The following ZFP91 variants were observed in gnomAD, a reference collection of about 807,000 sequenced individuals.
ZFP91 encodes the protein ZFP91 zinc finger protein, atypical E3 ubiquitin ligase.
ZFP91 carries 7 observed loss-of-function variants against 63.5 expected under a neutral mutation model. The ratio of observed to expected loss-of-function variants is 0.11; its 90% confidence interval spans 0.06 to 0.21. The LOEUF is 0.21. Among genes scored for constraint, ZFP91 ranks in the 10% least tolerant of loss-of-function variants. The pLI is 1.00. For missense variants in ZFP91, 628 were observed against 736.6 expected (o/e 0.85, Z 1.71); for synonymous variants, 330 against 272.1 (o/e 1.21, Z -2.10).
intron 1 of ZFP91, among the ~76,000 whole-genome samples, chr11:58,583,837 T>A (rs1855159058): frequency 6.6e-6 from 1 of 152,032 alleles, no homozygotes; most frequent in Non-Finnish European, 1.5e-5. Flanking sequence ...ACACTGTGGC[T>A]TCTGTATTTG....
At chr11:58,597,451 C>G (rs1590619143) in intron 2 of ZFP91, among the ~76,000 whole-genome samples, 1 of 152,282 alleles carries the variant, frequency 6.6e-6, no homozygotes, top group South Asian at 2.1e-4. Flanking sequence ...GGGAACTTGT[C>G]TGCTGCCTCT....
chr11:58,586,061 T>A (rs1855203725), intron 2 of ZFP91, among the ~76,000 whole-genome samples: 1 of 152,118 alleles, frequency 6.6e-6, no homozygotes, highest in South Asian at 2.1e-4. Context: ...TTCCTGTTGT[T>A]GTTACTTAGA....
At position 58,612,312 on chromosome 11, in the gene ZFP91, C is replaced by T. The variant is rs767996632; in HGVS notation, c.892C>T (p.Arg298Cys). The T allele has an allele frequency of 5.6e-6, 9 of 1,613,508 alleles. No homozygotes were observed. Among genetic ancestry groups the T allele is most frequent in the African/African-American group, 1.3e-5 (1 of 74,976 alleles). Residue 298 changes from arginine to cysteine, a missense_variant, in exon 7 of 11, where the codon CGT (arginine) becomes TGT (cysteine). Transcript: ENST00000316059. ...GRRRKDDKSP[R>C]LPKRRKKPPI... ...AAGACGAAAAGATGACAAAAGTCCA[C>T]GTTTACCCAAAAGGAGGTGAGGAAT...
At chr11:58,585,189 G>A (rs1855185195) in intron 2 of ZFP91, among the ~76,000 whole-genome samples, 1 of 152,062 alleles carries the variant, frequency 6.6e-6, no homozygotes, top group Non-Finnish European at 1.5e-5. Flanking sequence ...TAAAGTGAAG[G>A]CAAAAATTTT....
chr11:58,592,297 G>C (rs190046363), intron 2 of ZFP91, among the ~76,000 whole-genome samples: 1 of 151,880 alleles, frequency 6.6e-6, no homozygotes, highest in East Asian at 1.9e-4. Context: ...ATGTTGGCCA[G>C]CCTGGTCTCA....
chr11:58,593,431 T>C (rs1286396597), intron 2 of ZFP91, among the ~76,000 whole-genome samples: 2 of 152,222 alleles, frequency 1.3e-5, no homozygotes, highest in East Asian at 3.8e-4. Flanking sequence ...CTTGTATATG[T>C]CTTTCATGCC....
rs1855754506 is a variant in ZFP91, at chr11:58,616,713, T to C, written c.1103-3T>C. ...AACACTAACCACAGTATTTTCTTCA[T>C]AGATCAAAGGGATTATATCTGTGAA... On this transcript the variant is annotated splice_polypyrimidine_tract_variant and splice_region_variant and intron_variant, in intron 9 of 10. Coordinates refer to ENST00000316059, the MANE Select transcript of ZFP91 (RefSeq NM_053023.5). 2 of 1,612,392 alleles carry C rather than the reference T, an allele frequency of 1.2e-6. No individual in the cohort carries two copies. The highest frequency in any genetic ancestry group is 1.7e-6 in the Non-Finnish European group (2 of 1,178,766).
intron 2 of ZFP91, among the ~76,000 whole-genome samples, chr11:58,608,824 C>T (rs1324415185): frequency 6.6e-6 from 1 of 152,120 alleles, no homozygotes; most frequent in Non-Finnish European, 1.5e-5. Context: ...AGGCTGGTCA[C>T]AAACGCCTGA....
chr11:58,608,058 G>A (rs1370782195), intron 2 of ZFP91, among the ~76,000 whole-genome samples: 1 of 151,492 alleles, frequency 6.6e-6, no homozygotes, highest in African/African-American at 2.4e-5. Context: ...TGTTATTATA[G>A]TATGTAAGAT....
chr11:58,606,173 T>C (rs1293606759), intron 2 of ZFP91, among the ~76,000 whole-genome samples: 1 of 152,172 alleles, frequency 6.6e-6, no homozygotes, highest in Non-Finnish European at 1.5e-5. Context: ...GTGATTCTCC[T>C]ACCTCAGCCT....
At chr11:58,587,035 C>T (rs1230470383) in intron 2 of ZFP91, among the ~76,000 whole-genome samples, 1 of 152,000 alleles carries the variant, frequency 6.6e-6, no homozygotes, top group African/African-American at 2.4e-5. Flanking sequence ...CAATATTGCA[C>T]ACACAGAGTA....
Position 58,618,012 on chromosome 11 carries a change from C to A in ZFP91, c.*306C>A, listed in dbSNP as rs1590632713. On this transcript the variant is annotated 3_prime_UTR_variant, in exon 11 of 11. Coordinates refer to ENST00000316059, the MANE Select transcript of ZFP91 (RefSeq NM_053023.5). ...TCCAGCCATCAGCAGACTTCCTGCTCATCGGCAGATCCCCCTTTCCAACCT... is the reference window on the plus strand; with the variant it reads ...TCCAGCCATCAGCAGACTTCCTGCTAATCGGCAGATCCCCCTTTCCAACCT... 3.9e-6 allele frequency: 1 copy of A among 254,324 alleles called. No individual in the cohort carries two copies. Among genetic ancestry groups the A allele is most frequent in the Admixed American group, 5.4e-5 (1 of 18,448 alleles). The allele number at this position is 254,324 out of a possible 1,614,324, so 15.8% of individuals were successfully genotyped here.
At chr11:58,603,642 C>T (rs1464437374) in intron 2 of ZFP91, among the ~76,000 whole-genome samples, 3 of 152,196 alleles carry the variant, frequency 2.0e-5, no homozygotes, top group Non-Finnish European at 4.4e-5. Context: ...GCTGCAAATG[C>T]TGGGTCCTGG....
chr11:58,611,963 A>G lies in ZFP91; in HGVS notation c.857+225A>G, dbSNP rs1326034191. On this transcript the variant is annotated intron_variant, in intron 6 of 10. Transcript: ENST00000316059. ...TATTGCAAGGAGAAGGTATTTTTTA[A>G]TCTTAGTGTTTTTAGATGATACATG... is the stretch of plus-strand genomic sequence containing the variant. 10 of 554,446 alleles carry G rather than the reference A, an allele frequency of 1.8e-5. No homozygotes were observed. The Admixed American group carries it at 2.2e-4, about 12-fold the overall frequency. The allele number at this position is 554,446 out of a possible 1,614,324, so 34.3% of individuals were successfully genotyped here.
At position 58,610,022 on chromosome 11, in the gene ZFP91, C is replaced by T; in HGVS notation, c.563C>T (p.Thr188Ile). 2 of 1,614,202 alleles carry T rather than the reference C, an allele frequency of 1.2e-6. No individual in the cohort carries two copies. The highest frequency in any genetic ancestry group is 1.3e-5 in the African/African-American group (1 of 75,054). ...CTCATTTGCAAGTCAGAACCAAATA[C>T]AGACCAACTTGATTATGGTACAGTG... ...LQLICKSEPNTDQLDYDVGEE... is the reference protein window; with the variant it reads ...LQLICKSEPNIDQLDYDVGEE... The change falls in exon 3 of 11, where the codon ACA (threonine) becomes ATA (isoleucine). Residue 188 changes from threonine to isoleucine, a missense_variant. By Grantham distance (89) the Thr-to-Ile change is moderately conservative. Coordinates refer to ENST00000316059, the MANE Select transcript of ZFP91 (RefSeq NM_053023.5).
chr11:58,594,076 G>A (rs1855354731), intron 2 of ZFP91, among the ~76,000 whole-genome samples: 1 of 152,124 alleles, frequency 6.6e-6, no homozygotes, highest in African/African-American at 2.4e-5. Flanking sequence ...CAGCCAACAT[G>A]AACATTAAAA....
At chr11:58,610,412 T>A in intron 4 of ZFP91, 78 bp downstream of exon 4, 1 of 1,362,762 alleles carries the variant, frequency 7.3e-7, no homozygotes, top group Non-Finnish European at 9.8e-7. Context: ...AGAAGTTGCT[T>A]CCATTTGAAA....
In ZFP91 at chr11:58,620,420, A is replaced by G. The variant is rs1255401902; in HGVS notation, c.*2714A>G. On this transcript the variant is annotated 3_prime_UTR_variant, in exon 11 of 11. Coordinates refer to ENST00000316059, the MANE Select transcript of ZFP91 (RefSeq NM_053023.5). ...ATAACTCTTCCCACTGCATATTTCCATCTTGAATTGGTGGTTCTAAATTCT... is the reference window on the plus strand; with the variant it reads ...ATAACTCTTCCCACTGCATATTTCCGTCTTGAATTGGTGGTTCTAAATTCT... The G allele has an allele frequency of 6.6e-6, 1 of 152,312 alleles. No individual in the cohort carries two copies. The highest frequency in any genetic ancestry group is 1.9e-4 in the East Asian group (1 of 5,192). 9.4% of individuals were successfully genotyped at this position (152,312 alleles called of 1,614,324 possible).
At chr11:58,607,292 A>C (rs1565223162) in intron 2 of ZFP91, among the ~76,000 whole-genome samples, 1 of 152,156 alleles carries the variant, frequency 6.6e-6, no homozygotes, top group South Asian at 2.1e-4. Flanking sequence ...CTATATGTAA[A>C]AGTCCTTCAT....
Sources: allele counts gnomAD v4.1 joint callset (sites outside exome capture counted in the v4.1 genomes callset), GRCh38; gene constraint gnomAD v4.1.1; transcripts MANE v1.5; gene names NCBI Gene and HGNC (gene_info 2026-07-23, HGNC 2026-07-21).